Variants in SNX10 observed in about 807,000 individuals in gnomAD.
The protein encoded by SNX10 is sorting nexin 10.
SNX10 carries 25 observed loss-of-function variants against 28.5 expected under a neutral mutation model. The ratio of observed to expected loss-of-function variants is 0.88; its 90% CI spans 0.64 to 1.22. The LOEUF is 1.22. SNX10 is among the 50% of genes most tolerant of loss of function. The probability of loss-of-function intolerance (pLI) is 0.00; values close to 1 mark genes in which losing one functional copy is unlikely to be tolerated. For missense variants in SNX10, 223 were observed against 242.6 expected (o/e 0.92, Z 0.54); for synonymous variants, 62 against 81.4 (o/e 0.76, Z 1.28).
intron 1 of SNX10, among the ~76,000 whole-genome samples, chr7:26,314,694 A>G (rs1293294363): frequency 6.6e-6 from 1 of 152,202 alleles, no homozygotes; most frequent in Non-Finnish European, 1.5e-5. Flanking sequence ...GATTCTGCAT[A>G]AAGTATTTTA....
chr7:26,354,919 A>ATT (rs548464262), intron 2 of SNX10, among the ~76,000 whole-genome samples: 2,836 of 145,240 alleles, frequency 0.02, 42 homozygotes, highest in Non-Finnish European at 0.031. Context: ...ATTTTCTTTG[A>ATT]TTTTTTTTTT....
At chr7:26,344,674 T>G (rs1306150825) in intron 1 of SNX10, among the ~76,000 whole-genome samples, 1 of 152,194 alleles carries the variant, frequency 6.6e-6, no homozygotes, top group Non-Finnish European at 1.5e-5. Context: ...GCCTGCTGTG[T>G]ACTCCACCGT....
At chr7:26,360,584 A>C in intron 2 of SNX10, 7 of 195,226 alleles carry the variant, frequency 3.6e-5, no homozygotes, top group East Asian at 1.8e-4. Context: ...CTTACCCAGA[A>C]GGGCCCATTG....
intron 2 of SNX10, among the ~76,000 whole-genome samples, chr7:26,351,221 T>G (rs1166313475): frequency 1.3e-5 from 2 of 152,204 alleles, no homozygotes; most frequent in African/African-American, 4.8e-5. Context: ...TTAGTAAACA[T>G]AAATTCATCT....
At chr7:26,351,264 T>G (rs1788583873) in intron 2 of SNX10, among the ~76,000 whole-genome samples, 1 of 152,176 alleles carries the variant, frequency 6.6e-6, no homozygotes, top group African/African-American at 2.4e-5. Flanking sequence ...AAGAATAACT[T>G]TACAGTGGAG....
intron 1 of SNX10, among the ~76,000 whole-genome samples, chr7:26,329,278 C>G (rs977816129): frequency 2.0e-5 from 3 of 152,200 alleles, no homozygotes; most frequent in Admixed American, 2.0e-4. Context: ...CTCTTTCGGC[C>G]TTGGCTTTGG....
chr7:26,343,664 G>T (rs1449086899), intron 1 of SNX10, among the ~76,000 whole-genome samples: 1 of 152,168 alleles, frequency 6.6e-6, no homozygotes, highest in African/African-American at 2.4e-5. Context: ...GAAAGTATGA[G>T]GGTAGAGGTT....
chr7:26,370,211 G>A (rs1046425606), intron 5 of SNX10, among the ~76,000 whole-genome samples: 11 of 152,196 alleles, frequency 7.2e-5, no homozygotes, highest in Admixed American at 6.5e-4. Flanking sequence ...ATCCAAGTTC[G>A]TATTAATGGA....
At chr7:26,323,129 A>T (rs1333579605) in intron 1 of SNX10, among the ~76,000 whole-genome samples, 1 of 152,080 alleles carries the variant, frequency 6.6e-6, no homozygotes, top group African/African-American at 2.4e-5. Flanking sequence ...GTGAGCCTGT[A>T]GTGCCAGCTA....
At chr7:26,352,314 G>A (rs1439025959) in intron 2 of SNX10, among the ~76,000 whole-genome samples, 1 of 152,114 alleles carries the variant, frequency 6.6e-6, no homozygotes, top group East Asian at 1.9e-4. Flanking sequence ...TGTAATTCCA[G>A]CTACTTGGCC....
intron 1 of SNX10, among the ~76,000 whole-genome samples, chr7:26,294,252 C>G (rs779643498): frequency 2.0e-5 from 3 of 152,196 alleles, no homozygotes; most frequent in Non-Finnish European, 2.9e-5. Flanking sequence ...CTTCTGTTCT[C>G]TAAGCCCTGT....
intron 2 of SNX10, among the ~76,000 whole-genome samples, chr7:26,358,699 C>T (rs1183639523): frequency 6.6e-6 from 1 of 151,628 alleles, no homozygotes; most frequent in Non-Finnish European, 1.5e-5. Context: ...GAGCTGAGAT[C>T]GTACCACTGC....
chr7:26,333,753 C>A (rs1787828900), intron 1 of SNX10, among the ~76,000 whole-genome samples: 1 of 152,156 alleles, frequency 6.6e-6, no homozygotes, highest in Admixed American at 6.5e-5. Context: ...GGAGAGAGGG[C>A]AGGGCATTTT....
intron 1 of SNX10, among the ~76,000 whole-genome samples, chr7:26,325,391 G>A (rs1427149141): frequency 2.1e-5 from 3 of 143,380 alleles, no homozygotes; most frequent in African/African-American, 7.6e-5. Context: ...TTGGATCACT[G>A]CAACCTCAGC....
chr7:26,329,785 A>T (rs1330569198), intron 1 of SNX10, among the ~76,000 whole-genome samples: 1 of 152,134 alleles, frequency 6.6e-6, no homozygotes, highest in South Asian at 2.1e-4. Flanking sequence ...ACGTGGCGGG[A>T]TTTTTCTTCA....
chr7:26,356,291 A>G lies in SNX10; in HGVS notation c.25-4684A>G, dbSNP rs552542934. Among the ~76,000 whole-genome samples the G allele has an allele frequency of 1.1e-4, 16 of 152,294 alleles. No homozygotes were observed. In the South Asian group the frequency reaches 3.3e-3, roughly 32 times the overall value. On this transcript the variant is annotated intron_variant, in intron 2 of 6. Transcript: ENST00000338523. ...ACTCTGCCTGGCTTTCTCATACTAC[A>G]TATAGTCATTAGGCCCAAGAAGTCA...
intron 1 of SNX10, among the ~76,000 whole-genome samples, chr7:26,338,555 C>T (rs1216096887): frequency 6.6e-6 from 1 of 152,136 alleles, no homozygotes; most frequent in African/African-American, 2.4e-5. Flanking sequence ...GCGCCCGCCA[C>T]CACACCTGGC....
intron 1 of SNX10, among the ~76,000 whole-genome samples, chr7:26,329,922 G>A (rs906178402): frequency 1.6e-4 from 24 of 152,106 alleles, no homozygotes; most frequent in Non-Finnish European, 1.2e-4. Flanking sequence ...GGGAGGGCAT[G>A]TGACACAGTG....
At chr7:26,312,789 A>C (rs1786901106) in intron 1 of SNX10, among the ~76,000 whole-genome samples, 1 of 152,236 alleles carries the variant, frequency 6.6e-6, no homozygotes, top group Admixed American at 6.5e-5. Flanking sequence ...GTCTCAAAAA[A>C]AAGAAAATAG....
Sources: gnomAD v4.1 joint callset for allele counts (sites outside exome capture counted in the v4.1 genomes callset) on GRCh38, gnomAD v4.1.1 for gene constraint, MANE v1.5 for transcripts, NCBI Gene and HGNC (gene_info 2026-07-23, HGNC 2026-07-21) for gene names.